The following DYNLT2B variants were observed in gnomAD, a reference collection of about 807,000 sequenced individuals.
DYNLT2B encodes the protein dynein light chain Tctex-type 2B.
DYNLT2B carries 14 observed loss-of-function variants against 19.5 expected under a neutral mutation model. The ratio of observed to expected loss-of-function variants is 0.72; its 90% confidence interval spans 0.47 to 1.12. The LOEUF is 1.12. Ranked by LOEUF, DYNLT2B falls within the 50% of genes most tolerant of loss-of-function variation. The pLI, the probability that DYNLT2B is intolerant of heterozygous loss-of-function variation, is 0.00. For missense variants in DYNLT2B, 133 were observed against 174.7 expected (o/e 0.76, Z 1.35); for synonymous variants, 70 against 59.7 (o/e 1.17, Z -0.79).
chr3:196,312,461 G>C (rs1726667950), intron 2 of DYNLT2B, among the ~76,000 whole-genome samples: 1 of 152,032 alleles, frequency 6.6e-6, no homozygotes, highest in Admixed American at 6.6e-5. Context: ...TTCTACTTTT[G>C]GGGGTGGAGG....
At chr3:196,313,354 C>A (rs1726690672) in intron 2 of DYNLT2B, among the ~76,000 whole-genome samples, 2 of 151,998 alleles carry the variant, frequency 1.3e-5, no homozygotes, top group South Asian at 4.2e-4. Flanking sequence ...ACACCACCAG[C>A]CCGGCTAATT....
At chr3:196,300,770 CT>C (rs1296576388) in intron 3 of DYNLT2B, among the ~76,000 whole-genome samples, 1 of 146,442 alleles carries the variant, frequency 6.8e-6, no homozygotes, top group African/African-American at 2.5e-5. Context: ...AAGGGTGAGG[CT>C]GGGTGTGGTG....
intron 3 of DYNLT2B, among the ~76,000 whole-genome samples, chr3:196,298,702 CA>C (rs1439467863): frequency 2.0e-5 from 3 of 151,728 alleles, no homozygotes; most frequent in Non-Finnish European, 4.4e-5. Flanking sequence ...CCAAAGCAAA[CA>C]GGCCTAGAGG....
chr3:196,314,243 C>CA (rs1445713786), intron 2 of DYNLT2B, among the ~76,000 whole-genome samples: 2 of 152,000 alleles, frequency 1.3e-5, no homozygotes, highest in Non-Finnish European at 2.9e-5. Flanking sequence ...CGGTGGCTCA[C>CA]ATCTGTAATC....
rs1364715368 is a variant in DYNLT2B, at chr3:196,306,891, C to G, written c.317+52G>C. 1.3e-5 allele frequency: 19 copies of G among 1,514,580 alleles called. 1 individual carries two copies. The Admixed American group carries it at 3.0e-4, about 24-fold the overall frequency. The allele number at this position is 1,514,580 out of a possible 1,614,324, so 93.8% of individuals were successfully genotyped here. ...TACTGAATTGTCCAAAGGACAGATACCTCATAAGAAATATAGATGACTAAA... is the reference window on the plus strand; with the variant it reads ...TACTGAATTGTCCAAAGGACAGATAGCTCATAAGAAATATAGATGACTAAA... On this transcript the variant is annotated intron_variant, in intron 3 of 4. Transcript: ENST00000325318.
chr3:196,295,397 GTGA>G (rs996567454), intron 4 of DYNLT2B, among the ~76,000 whole-genome samples: 11 of 152,172 alleles, frequency 7.2e-5, no homozygotes, highest in African/African-American at 2.2e-4. Flanking sequence ...CTGACCTCAG[GTGA>G]TCCGCCCTCC....
intron 3 of DYNLT2B, among the ~76,000 whole-genome samples, chr3:196,298,408 G>A (rs1438966293): frequency 6.6e-6 from 1 of 151,730 alleles, no homozygotes; most frequent in African/African-American, 2.4e-5. Flanking sequence ...TCCACCTCCC[G>A]GGTTCAATGA....
chr3:196,309,683 CGGTGG>C (rs1553841654), intron 2 of DYNLT2B, among the ~76,000 whole-genome samples: 2 of 151,814 alleles, frequency 1.3e-5, no homozygotes, highest in Non-Finnish European at 2.9e-5. Context: ...TGGCTGGGCA[CGGTGG>C]CCCACACCTG....
chr3:196,298,145 A>G, intron 3 of DYNLT2B: 1 of 365,190 alleles, frequency 2.7e-6, no homozygotes, highest in Non-Finnish European at 5.4e-6. Flanking sequence ...GATCCACTGG[A>G]GAATGGGACG....
intron 2 of DYNLT2B, among the ~76,000 whole-genome samples, chr3:196,313,284 G>A (rs1726688589): frequency 6.6e-6 from 1 of 150,556 alleles, no homozygotes; most frequent in Non-Finnish European, 1.5e-5. Flanking sequence ...TGCAATCTCC[G>A]TCCCTGGGCT....
At chr3:196,305,412 C>T (rs1344075723) in intron 3 of DYNLT2B, among the ~76,000 whole-genome samples, 1 of 152,008 alleles carries the variant, frequency 6.6e-6, no homozygotes, top group Non-Finnish European at 1.5e-5. Context: ...TAAACAATAC[C>T]ATAGGTATAT....
intron 3 of DYNLT2B, among the ~76,000 whole-genome samples, chr3:196,304,267 G>T (rs527674406): frequency 2.6e-5 from 4 of 151,882 alleles, no homozygotes; most frequent in Non-Finnish European, 5.9e-5. Context: ...AAGTGGCTGG[G>T]GTTACAGGTG....
chr3:196,292,609 AAG>A (rs1226777619), intron 4 of DYNLT2B: 1 of 152,198 alleles, frequency 6.6e-6, no homozygotes, highest in African/African-American at 2.4e-5. Context: ...AAATTGCTGT[AAG>A]AGTTTCTAAA....
At chr3:196,307,063 T>TACA (rs772661291) in intron 2 of DYNLT2B, 51 bp from the exon 3 acceptor site, 1 of 1,529,908 alleles carries the variant, frequency 6.5e-7, no homozygotes, top group Admixed American at 1.7e-5. Flanking sequence ...GTAAAATTAC[T>TACA]TATTGAAGAC....
At chr3:196,296,458 A>T (rs1726224684) in intron 3 of DYNLT2B, among the ~76,000 whole-genome samples, 1 of 152,208 alleles carries the variant, frequency 6.6e-6, no homozygotes, top group South Asian at 2.1e-4. Context: ...ATAGAGTCCC[A>T]GAAAAAGGAG....
At chr3:196,312,342 G>A (rs1236269392) in intron 2 of DYNLT2B, among the ~76,000 whole-genome samples, 1 of 152,020 alleles carries the variant, frequency 6.6e-6, no homozygotes, top group Non-Finnish European at 1.5e-5. Flanking sequence ...CTTAAGCAGA[G>A]AACATCAAGC....
chr3:196,317,964 C>A (rs923770685), intron 1 of DYNLT2B, 76 bp downstream of exon 1: 1 of 877,128 alleles, frequency 1.1e-6, no homozygotes. Context: ...CCTTCCGTGG[C>A]CCAGGTCCCA....
intron 2 of DYNLT2B, among the ~76,000 whole-genome samples, chr3:196,309,623 GGAA>G (rs1361949952): frequency 6.6e-6 from 1 of 152,002 alleles, no homozygotes; most frequent in African/African-American, 2.4e-5. Context: ...GTGGAAGGAA[GGAA>G]GAAGGAAGGA....
At chr3:196,317,691 C>T (rs1422048046) in intron 1 of DYNLT2B, among the ~76,000 whole-genome samples, 1 of 152,180 alleles carries the variant, frequency 6.6e-6, no homozygotes, top group Non-Finnish European at 1.5e-5. Context: ...CCTCGAATCA[C>T]GGCTGAACGG....
Sources: gnomAD v4.1 joint callset for allele counts (sites outside exome capture counted in the v4.1 genomes callset) on GRCh38, gnomAD v4.1.1 for gene constraint, MANE v1.5 for transcripts, NCBI Gene and HGNC (gene_info 2026-07-23, HGNC 2026-07-21) for gene names.